The following KPNA6 variants were observed in gnomAD, a reference collection of about 807,000 sequenced individuals.
The protein encoded by KPNA6 is importin subunit alpha-7.
In KPNA6, 9 loss-of-function variants were observed where a neutral mutation model predicts 72.0. That is an observed-to-expected ratio of 0.13 (90% CI 0.08 to 0.22). KPNA6 has a LOEUF of 0.22. KPNA6 is among the 10% of genes least tolerant of loss of function. The probability of loss-of-function intolerance (pLI) is 1.00; values close to 1 mark genes in which losing one functional copy is unlikely to be tolerated. For synonymous variants in KPNA6, 219 were observed against 242.1 expected, an observed-to-expected ratio of 0.90 and a Z score of 0.89; for missense variants, 374 against 655.7, an observed-to-expected ratio of 0.57 and a Z score of 4.69.
chr1:32,161,371 A>C (rs1337742522), intron 7 of KPNA6, among the ~76,000 whole-genome samples: 3 of 152,306 alleles, frequency 2.0e-5, no homozygotes, highest in African/African-American at 7.2e-5. Context: ...TCTGTCGTAA[A>C]TTATAGATCA....
chr1:32,122,653 C>T (rs1241207575), intron 1 of KPNA6, among the ~76,000 whole-genome samples: 2 of 151,874 alleles, frequency 1.3e-5, no homozygotes, highest in Non-Finnish European at 2.9e-5. Context: ...AAGAGGCAAG[C>T]TGTTTTAAGA....
rs568857125 is a variant in KPNA6 at position 32,159,936 on chromosome 1, C to T, written c.558+405C>T. On this transcript the variant is annotated intron_variant, in intron 6 of 13. Coordinates refer to ENST00000373625, the MANE Select transcript of KPNA6 (RefSeq NM_012316.5). ...CAACTTCCATTTCTCCCATTGAATTCTTACTAGTTGGATAGAATTGGAGAG... is the reference window on the plus strand; with the variant it reads ...CAACTTCCATTTCTCCCATTGAATTTTTACTAGTTGGATAGAATTGGAGAG... Among the ~76,000 whole-genome samples, 3 of 152,318 alleles carry T rather than the reference C, an allele frequency of 2.0e-5. No homozygotes were observed. In the East Asian group the frequency reaches 5.8e-4, roughly 29 times the overall value.
intron 1 of KPNA6, among the ~76,000 whole-genome samples, chr1:32,116,296 T>G (rs1386785091): frequency 1.3e-5 from 2 of 151,466 alleles, no homozygotes; most frequent in African/African-American, 4.9e-5. Context: ...GCCTCCTGAG[T>G]AGCGCCCGGC....
chr1:32,174,980 G>T lies in KPNA6; in HGVS notation c.*4086G>T, dbSNP rs1158218575. ...TTTCATTCTTTTGTTAAGCCAACAA[G>T]TTGAGAATTTGGCCCTGCTGGGATC... On this transcript the variant is annotated 3_prime_UTR_variant, in exon 14 of 14. Coordinates refer to ENST00000373625, the MANE Select transcript of KPNA6 (RefSeq NM_012316.5). 1 of 152,226 alleles carries T rather than the reference G, an allele frequency of 6.6e-6. No individual in the cohort carries two copies. Among genetic ancestry groups the T allele is most frequent in the African/African-American group, 2.4e-5 (1 of 41,446 alleles). 9.4% of individuals were successfully genotyped at this position (152,226 alleles called of 1,614,324 possible).
At chr1:32,109,640 A>G (rs1569977818) in intron 1 of KPNA6, among the ~76,000 whole-genome samples, 1 of 144,092 alleles carries the variant, frequency 6.9e-6, no homozygotes, top group Non-Finnish European at 1.5e-5. Context: ...TGGGCCCATT[A>G]TGAAATCTTT....
intron 1 of KPNA6, among the ~76,000 whole-genome samples, chr1:32,147,432 C>A (rs2124035785): frequency 6.6e-6 from 1 of 151,962 alleles, no homozygotes; most frequent in South Asian, 2.1e-4. Context: ...GTAGCTGGGA[C>A]CATAGGTGCA....
At chr1:32,123,220 A>G (rs1460932869) in intron 1 of KPNA6, among the ~76,000 whole-genome samples, 1 of 152,134 alleles carries the variant, frequency 6.6e-6, no homozygotes, top group Non-Finnish European at 1.5e-5. Context: ...AAAACTTTGA[A>G]GGTATTGGTA....
chr1:32,153,616 A>C (rs1642080310), intron 1 of KPNA6, among the ~76,000 whole-genome samples: 1 of 151,998 alleles, frequency 6.6e-6, no homozygotes, highest in Admixed American at 6.6e-5. Context: ...AAAATACAGA[A>C]ACAAACATTT....
chr1:32,135,781 G>GTTTTTTTT (rs907498090), intron 1 of KPNA6, among the ~76,000 whole-genome samples: 2 of 141,812 alleles, frequency 1.4e-5, no homozygotes, highest in African/African-American at 2.6e-5. Context: ...GAGTTATGGG[G>GTTTTTTTT]TTTTTTTTTT....
At chr1:32,157,190 G>A (rs1476252195) in intron 3 of KPNA6, among the ~76,000 whole-genome samples, 156 bp from the exon 4 acceptor site, 1 of 152,188 alleles carries the variant, frequency 6.6e-6, no homozygotes, top group African/African-American at 2.4e-5. Flanking sequence ...GTCCCAACTT[G>A]AAGCACCTAT....
Position 32,154,673 on chromosome 1 carries a change from A to G in KPNA6, c.90A>G (p.Arg30=), listed in dbSNP as rs1370815893. The G allele has an allele frequency of 3.7e-6, 6 of 1,614,132 alleles. No individual in the cohort carries two copies. The South Asian group carries it at 6.6e-5, about 18-fold the overall frequency. The change falls in exon 2 of 14, where the codon AGA becomes AGG. Residue 30 remains arginine (R), a synonymous_variant. Coordinates refer to ENST00000373625, the MANE Select transcript of KPNA6 (RefSeq NM_012316.5). ...TAAACCCTGAAGAAATGAGACGAAG[A>G]AGAGAGGAAGAGGGCATTCAGCTCC... ...NALNPEEMRR[R]REEEGIQLRK...
intron 1 of KPNA6, among the ~76,000 whole-genome samples, chr1:32,139,372 A>T (rs1236174751): frequency 6.6e-6 from 1 of 152,228 alleles, no homozygotes; most frequent in Non-Finnish European, 1.5e-5. Flanking sequence ...CAAAAAGAAC[A>T]GGAAGTGCAA....
chr1:32,156,559 A>G (rs1642146921), intron 2 of KPNA6, among the ~76,000 whole-genome samples: 3 of 152,226 alleles, frequency 2.0e-5, no homozygotes, highest in South Asian at 2.1e-4. Flanking sequence ...ATCCTGGGCC[A>G]GACAGAACAA....
chr1:32,123,055 C>T (rs902701774), intron 1 of KPNA6, among the ~76,000 whole-genome samples: 2 of 151,318 alleles, frequency 1.3e-5, no homozygotes, highest in Non-Finnish European at 2.9e-5. Flanking sequence ...GACCTAAATT[C>T]GTGCAATGGC....
At chr1:32,148,992 A>G (rs1641982220) in intron 1 of KPNA6, among the ~76,000 whole-genome samples, 2 of 152,004 alleles carry the variant, frequency 1.3e-5, no homozygotes, top group South Asian at 2.1e-4. Context: ...CGTGCCGGCC[A>G]TATTGGTCCT....
At chr1:32,124,282 A>AG (rs1353931902) in intron 1 of KPNA6, among the ~76,000 whole-genome samples, 1 of 151,778 alleles carries the variant, frequency 6.6e-6, no homozygotes, top group Non-Finnish European at 1.5e-5. Context: ...GTGAAGTGGG[A>AG]GGATAGATTG....
intron 1 of KPNA6, among the ~76,000 whole-genome samples, chr1:32,118,950 TTC>T (rs1055033694): frequency 6.9e-6 from 1 of 145,588 alleles, no homozygotes; most frequent in Admixed American, 6.9e-5. Context: ...ACAAAGTACT[TTC>T]TATGTGTCAA....
Position 32,154,688 on chromosome 1 carries a change from C to T in KPNA6, c.105C>T (p.Gly35=), listed in dbSNP as rs771196901. The T allele has an allele frequency of 1.9e-6, 3 of 1,613,886 alleles. No individual in the cohort carries two copies. The African/African-American group carries it at 4.0e-5, about 22-fold the overall frequency. ...TGAGACGAAGAAGAGAGGAAGAGGG[C>T]ATTCAGCTCCGGAAGCAGAAGCGAG... ...EEMRRRREEE[G]IQLRKQKREQ... Residue 35 remains glycine (G), a synonymous_variant, in exon 2 of 14, where the codon GGC becomes GGT. Coordinates refer to ENST00000373625, the MANE Select transcript of KPNA6 (RefSeq NM_012316.5).
intron 1 of KPNA6, among the ~76,000 whole-genome samples, chr1:32,135,145 G>A (rs1383153617): frequency 6.6e-6 from 1 of 152,026 alleles, no homozygotes; most frequent in Non-Finnish European, 1.5e-5. Flanking sequence ...TCAGCTCACC[G>A]CAACCTCCAC....
Sources: gnomAD v4.1 joint callset for allele counts (sites outside exome capture counted in the v4.1 genomes callset) on GRCh38, gnomAD v4.1.1 for gene constraint, MANE v1.5 for transcripts, NCBI Gene and HGNC (gene_info 2026-07-23, HGNC 2026-07-21) for gene names.